RAB6D: variants seen among roughly 807,000 people sequenced by gnomAD.
The protein encoded by RAB6D is RAB6D, member RAS oncogene family, also known as ras-related protein Rab-6D.
Under a neutral mutation model 17.5 loss-of-function variants are expected in RAB6D, and 11 were observed. The observed-to-expected ratio is 0.63, with a 90% CI of 0.39 to 1.04. The LOEUF is 1.04. Among genes scored for constraint, RAB6D ranks in the 50% least tolerant of loss-of-function variants. RAB6D has a pLI of 0.00. For missense variants in RAB6D, 163 were observed against 315.1 expected, an observed-to-expected ratio of 0.52 and a Z score of 3.65; for synonymous variants, 68 against 122.6, an observed-to-expected ratio of 0.55 and a Z score of 2.94.
rs1703416497 is a variant in RAB6D at position 131,360,831 on chromosome 2, G to A, written c.*2125C>T. 6.6e-6 allele frequency among the ~76,000 whole-genome samples: 1 copy of A among 151,962 alleles called. No individual in the cohort carries two copies. Among genetic ancestry groups the A allele is most frequent in the South Asian group, 2.1e-4 (1 of 4,814 alleles). On this transcript the variant is annotated 3_prime_UTR_variant, in exon 1 of 1. Transcript: ENST00000623617. ...AAGGGAAGGTGGTAAAAAGGGAGAT[G>A]GTCTAATATTTTCAACATTTTTTAA...
rs1208300119 is a variant in RAB6D, at chr2:131,363,463, A to G, written c.258T>C (p.Ser86=). ...RSLIPRYIRD[S]AAAVVVYDIT... ...TATCGTAAACTACTACAGCTGCAGCAGAATCACGGATGTACCTGGGAATGA... is the reference window on the plus strand; with the variant it reads ...TATCGTAAACTACTACAGCTGCAGCGGAATCACGGATGTACCTGGGAATGA... The change falls in exon 1 of 1, where the codon TCT becomes TCC. Residue 86 remains serine, a synonymous_variant. Coordinates refer to ENST00000623617, the MANE Select transcript of RAB6D (RefSeq NM_001077637.3). 40 of 1,609,176 alleles carry G rather than the reference A, an allele frequency of 2.5e-5. No individual in the cohort carries two copies. The highest frequency in any genetic ancestry group is 3.3e-5 in the Non-Finnish European group (39 of 1,178,146).
In RAB6D at chr2:131,362,942, G is replaced by GGGGGAGCTGAGTTGGGGGGA. The variant is rs1703442634; in HGVS notation, c.*13_*14insTCCCCCCAACTCAGCTCCCC. 1 of 1,589,128 alleles carries GGGGGAGCTGAGTTGGGGGGA rather than the reference G, an allele frequency of 6.3e-7. No individual in the cohort carries two copies. The highest frequency in any genetic ancestry group is 2.2e-5 in the East Asian group (1 of 44,540). On this transcript the variant is annotated 3_prime_UTR_variant, in exon 1 of 1. Coordinates refer to ENST00000623617, the MANE Select transcript of RAB6D (RefSeq NM_001077637.3). ...GAAGACGCTGACTTTTTTTGTGCTT[G>GGGGGAGCTGAGTTGGGGGGA]TCAAGCTAATAGATCATCTCCACGA...
rs918609693 is a variant in RAB6D at position 131,362,500 on chromosome 2, G to C, written c.*456C>G. ...CTGCCTACCGTGATCGCTGAATTCTGACCTCAAAGAGGATCTAAGTAATTT... is the reference window on the plus strand; with the variant it reads ...CTGCCTACCGTGATCGCTGAATTCTCACCTCAAAGAGGATCTAAGTAATTT... On this transcript the variant is annotated 3_prime_UTR_variant, in exon 1 of 1. Coordinates refer to ENST00000623617, the MANE Select transcript of RAB6D (RefSeq NM_001077637.3). The C allele has an allele frequency of 7.9e-5, 15 of 189,562 alleles. No homozygotes were observed. Among genetic ancestry groups the C allele is most frequent in the Admixed American group, 2.2e-4 (4 of 18,348 alleles). The allele number at this position is 189,562 out of a possible 1,614,324, so 11.7% of individuals were successfully genotyped here. A position where few individuals can be genotyped will look rare whatever the true frequency, so the allele number is the denominator to read the frequency against.
rs1703434656 is a variant in RAB6D, at chr2:131,362,317, C to T, written c.*639G>A. ...AATACTAAAAACCTGTTCTGAAGCA[C>T]TTGGTTAATTTTCTCTCCCAGAGTC... On this transcript the variant is annotated 3_prime_UTR_variant, in exon 1 of 1. Transcript: ENST00000623617. The T allele has an allele frequency of 6.0e-6, 1 of 167,278 alleles. No individual in the cohort carries two copies. Among genetic ancestry groups the T allele is most frequent in the Non-Finnish European group, 1.5e-5 (1 of 68,266 alleles). 10.4% of individuals were successfully genotyped at this position (167,278 alleles called of 1,614,324 possible).
rs1573803391 is a variant in RAB6D at position 131,364,008 on chromosome 2, G to C, written c.-288C>G. On this transcript the variant is annotated 5_prime_UTR_variant, in exon 1 of 1. Coordinates refer to ENST00000623617, the MANE Select transcript of RAB6D (RefSeq NM_001077637.3). ...GGTGTGCTTTGGCTTCCCAAGGCTA[G>C]GGCCGTTCCCTTCTTCCTCACCCGG... is the stretch of plus-strand genomic sequence containing the variant. The C allele has an allele frequency of 5.8e-6, 3 of 518,920 alleles. No homozygotes were observed. The highest frequency in any genetic ancestry group is 7.0e-6 in the Non-Finnish European group (2 of 284,332). 32.1% of individuals were successfully genotyped at this position (518,920 alleles called of 1,614,324 possible). A position where few individuals can be genotyped will look rare whatever the true frequency, so the allele number is the denominator to read the frequency against.
In RAB6D at chr2:131,361,720, C is replaced by G. The variant is rs1703426861; in HGVS notation, c.*1236G>C. The G allele has an allele frequency of 6.0e-6, 1 of 166,348 alleles. No homozygotes were observed. Among genetic ancestry groups the G allele is most frequent in the South Asian group, 2.1e-4 (1 of 4,780 alleles). The allele number at this position is 166,348 out of a possible 1,614,324, so 10.3% of individuals were successfully genotyped here. On this transcript the variant is annotated 3_prime_UTR_variant, in exon 1 of 1. Transcript: ENST00000623617. ...TAAAAAAAAAGCAAAGAAATATCAC[C>G]AAAGAAAAAAGATTAATCGTAGCTT...
In RAB6D at chr2:131,363,236, T is replaced by C. The variant is rs1198976682; in HGVS notation, c.485A>G (p.Asn162Ser). ...FIETRAKAGY[N>S]VKQLFRRVAA... ...TACACGTCGAAAGAGCTGCTTTACA[T>C]TGTATCCAGCTTTTGCCCTAGTTTC... Residue 162 changes from asparagine (N) to serine (S), a missense_variant, in exon 1 of 1, where the codon AAT becomes AGT. Around this residue, in one of 2 missense-constraint regions of RAB6D, gnomAD observed 144 missense variants for 244.4 expected, o/e 0.59. Transcript: ENST00000623617. 2.5e-6 allele frequency: 4 copies of C among 1,613,692 alleles called. No homozygotes were observed. The highest frequency in any genetic ancestry group is 2.2e-5 in the East Asian group (1 of 44,834).
At position 131,363,392 on chromosome 2, in the gene RAB6D, T is replaced by C. The variant is rs376784434; in HGVS notation, c.329A>G (p.Asp110Gly). The C allele has an allele frequency of 1.5e-5, 25 of 1,613,948 alleles. No homozygotes were observed. In the East Asian group the frequency reaches 4.5e-4, roughly 29 times the overall value. ...SFQQTTKWIDDVRTEGGSDVI... is the reference protein window; with the variant it reads ...SFQQTTKWIDGVRTEGGSDVI... The stretch of plus-strand genomic sequence containing the variant: ...ATCACTTCCTCCTTCTGTTCTGACA[T>C]CATCAATCCACTTTGTAGTTTGCTG... The change falls in exon 1 of 1, where the codon GAT (aspartate) becomes GGT (glycine). Residue 110 changes from aspartate (D) to glycine (G), a missense_variant. Transcript: ENST00000623617.
At position 131,363,966 on chromosome 2, in the gene RAB6D, T is replaced by C; in HGVS notation, c.-246A>G. On this transcript the variant is annotated 5_prime_UTR_variant, in exon 1 of 1. Coordinates refer to ENST00000623617, the MANE Select transcript of RAB6D (RefSeq NM_001077637.3). Reference sequence around the variant, plus strand: ...GCGGCTGGGAAGGGAAGGAGGGCGGTGTCGGCAGGAGCCAGGGGTGTGCTT... The same window carrying C: ...GCGGCTGGGAAGGGAAGGAGGGCGGCGTCGGCAGGAGCCAGGGGTGTGCTT... 1.6e-6 allele frequency: 1 copy of C among 631,218 alleles called. No homozygotes were observed. The highest frequency in any genetic ancestry group is 2.8e-5 in the East Asian group (1 of 36,108). The allele number at this position is 631,218 out of a possible 1,614,324, so 39.1% of individuals were successfully genotyped here.
At position 131,364,001 on chromosome 2, in the gene RAB6D, A is replaced by C. The variant is rs1259197965; in HGVS notation, c.-281T>G. 5.2e-6 allele frequency: 3 copies of C among 572,708 alleles called. No homozygotes were observed. The highest frequency in any genetic ancestry group is 6.4e-6 in the Non-Finnish European group (2 of 312,124). 35.5% of individuals were successfully genotyped at this position (572,708 alleles called of 1,614,324 possible). A position where few individuals can be genotyped will look rare whatever the true frequency, so the allele number is the denominator to read the frequency against. On this transcript the variant is annotated 5_prime_UTR_variant, in exon 1 of 1. Coordinates refer to ENST00000623617, the MANE Select transcript of RAB6D (RefSeq NM_001077637.3). ...AGCCAGGGGTGTGCTTTGGCTTCCC[A>C]AGGCTAGGGCCGTTCCCTTCTTCCT... is the stretch of plus-strand genomic sequence containing the variant.
At position 131,362,011 on chromosome 2, in the gene RAB6D, G is replaced by C. The variant is rs879929122; in HGVS notation, c.*945C>G. The C allele has an allele frequency of 4.8e-5, 8 of 167,092 alleles. No individual in the cohort carries two copies. Among genetic ancestry groups the C allele is most frequent in the South Asian group, 2.1e-4 (1 of 4,816 alleles). The allele number at this position is 167,092 out of a possible 1,614,324, so 10.4% of individuals were successfully genotyped here. ...GCAAAGTTTTTGCTCTTCTGCTGAG[G>C]GTTCTTTTGTTGGTAAGCTTTAGAT... On this transcript the variant is annotated 3_prime_UTR_variant, in exon 1 of 1. Coordinates refer to ENST00000623617, the MANE Select transcript of RAB6D (RefSeq NM_001077637.3).
Position 131,361,390 on chromosome 2 carries a change from G to T in RAB6D, c.*1566C>A, listed in dbSNP as rs1703422262. On this transcript the variant is annotated 3_prime_UTR_variant, in exon 1 of 1. Coordinates refer to ENST00000623617, the MANE Select transcript of RAB6D (RefSeq NM_001077637.3). ...TAAGGTTCTCCCAGTTTAAGGTTTT[G>T]TTGCAATGAGGGGATGAGGAAGTAT... 1 of 167,062 alleles carries T rather than the reference G, an allele frequency of 6.0e-6. No individual in the cohort carries two copies. Among genetic ancestry groups the T allele is most frequent in the African/African-American group, 2.4e-5 (1 of 41,440 alleles). The allele number at this position is 167,062 out of a possible 1,614,324, so 10.3% of individuals were successfully genotyped here. A position where few individuals can be genotyped will look rare whatever the true frequency, so the allele number is the denominator to read the frequency against.
chr2:131,362,666 G>A lies in RAB6D; in HGVS notation c.*290C>T, dbSNP rs537987711. The A allele has an allele frequency of 1.6e-4, 33 of 204,348 alleles. No homozygotes were observed. In the South Asian group the frequency reaches 3.0e-3, roughly 19 times the overall value. The allele number at this position is 204,348 out of a possible 1,614,324, so 12.7% of individuals were successfully genotyped here. On this transcript the variant is annotated 3_prime_UTR_variant, in exon 1 of 1. Transcript: ENST00000623617. ...CTTGTTTGTTTTGAGGAAGTGGGGG[G>A]AGGCTAGGTAAGAACACGGAAATAG...
rs998826211 is a variant in RAB6D, at chr2:131,360,912, A to C, written c.*2044T>G. Reference sequence around the variant, plus strand: ...TGGCAGCAAAATTGTGTTTACTAAAAAAAAATCTGGACTATGAACACACTT... The same window carrying C: ...TGGCAGCAAAATTGTGTTTACTAAACAAAAATCTGGACTATGAACACACTT... On this transcript the variant is annotated 3_prime_UTR_variant, in exon 1 of 1. Coordinates refer to ENST00000623617, the MANE Select transcript of RAB6D (RefSeq NM_001077637.3). Among the ~76,000 whole-genome samples, 1 of 152,216 alleles carries C rather than the reference A, an allele frequency of 6.6e-6. No homozygotes were observed. Among genetic ancestry groups the C allele is most frequent in the African/African-American group, 2.4e-5 (1 of 41,468 alleles).
In RAB6D at chr2:131,362,813, A is replaced by G. The variant is rs1421947901; in HGVS notation, c.*143T>C. On this transcript the variant is annotated 3_prime_UTR_variant, in exon 1 of 1. Transcript: ENST00000623617. ...TTCCATCATTTTGAAGTACATTATC[A>G]TAACATTAAAAAAGAAAAAAAATGT... 6.6e-5 allele frequency: 76 copies of G among 1,146,082 alleles called. 1 individual carries two copies. In the Admixed American group the frequency reaches 2.2e-3, roughly 33 times the overall value. The allele number at this position is 1,146,082 out of a possible 1,614,324, so 71.0% of individuals were successfully genotyped here. A position where few individuals can be genotyped will look rare whatever the true frequency, so the allele number is the denominator to read the frequency against.
chr2:131,362,790 C>T lies in RAB6D; in HGVS notation c.*166G>A. 1.3e-6 allele frequency: 1 copy of T among 761,460 alleles called. No individual in the cohort carries two copies. Among genetic ancestry groups the T allele is most frequent in the Non-Finnish European group, 2.1e-6 (1 of 474,888 alleles). 47.2% of individuals were successfully genotyped at this position (761,460 alleles called of 1,614,324 possible). A position where few individuals can be genotyped will look rare whatever the true frequency, so the allele number is the denominator to read the frequency against. ...AGCCATACTCATACTGTTGAGATTT[C>T]CATCATTTTGAAGTACATTATCATA... On this transcript the variant is annotated 3_prime_UTR_variant, in exon 1 of 1. Coordinates refer to ENST00000623617, the MANE Select transcript of RAB6D (RefSeq NM_001077637.3).
rs748583025 is a variant in RAB6D at position 131,363,253 on chromosome 2, C to T, written c.468G>A (p.Arg156=). 1.2e-6 allele frequency: 2 copies of T among 1,613,716 alleles called. No individual in the cohort carries two copies. Among genetic ancestry groups the T allele is most frequent in the African/African-American group, 2.7e-5 (2 of 74,754 alleles). ...KGLNVTFIET[R]AKAGYNVKQL... ...GCTTTACATTGTATCCAGCTTTTGC[C>T]CTAGTTTCAATAAACGTAACATTCA... Residue 156 remains arginine (R), a synonymous_variant, in exon 1 of 1, where the codon AGG becomes AGA. Transcript: ENST00000623617.
chr2:131,363,453 C>T lies in RAB6D; in HGVS notation c.268G>A (p.Val90Ile). 15 of 1,610,154 alleles carry T rather than the reference C, an allele frequency of 9.3e-6. No homozygotes were observed. Among genetic ancestry groups the T allele is most frequent in the Non-Finnish European group, 1.2e-5 (14 of 1,178,510 alleles). Residue 90 changes from valine to isoleucine, a missense_variant, in exon 1 of 1, where the codon GTA (valine) becomes ATA (isoleucine). This residue lies in a region of RAB6D where 144 missense variants were observed against 244.4 expected (regional missense o/e 0.59). Coordinates refer to ENST00000623617, the MANE Select transcript of RAB6D (RefSeq NM_001077637.3). ...ACATTTGTGATATCGTAAACTACTA[C>T]AGCTGCAGCAGAATCACGGATGTAC... ...PRYIRDSAAAVVVYDITNVNS... is the reference protein window; with the variant it reads ...PRYIRDSAAAIVVYDITNVNS...
rs1703421604 is a variant in RAB6D, at chr2:131,361,337, T to G, written c.*1619A>C. ...TTACAAGGTGACAATAAGTGGGAAGTGGAGGAGGAAGAGGAAAGAGAGGGG... is the reference window on the plus strand; with the variant it reads ...TTACAAGGTGACAATAAGTGGGAAGGGGAGGAGGAAGAGGAAAGAGAGGGG... On this transcript the variant is annotated 3_prime_UTR_variant, in exon 1 of 1. Transcript: ENST00000623617. The G allele has an allele frequency of 6.0e-6, 1 of 167,020 alleles. No individual in the cohort carries two copies. The highest frequency in any genetic ancestry group is 2.1e-4 in the South Asian group (1 of 4,824). 10.3% of individuals were successfully genotyped at this position (167,020 alleles called of 1,614,324 possible).
Sources: gnomAD v4.1 joint callset for allele counts (sites outside exome capture counted in the v4.1 genomes callset) on GRCh38, gnomAD v4.1.1 for gene constraint, gnomAD v4.1.1 regional missense constraint, MANE v1.5 for transcripts, NCBI Gene and HGNC (gene_info 2026-07-23, HGNC 2026-07-21) for gene names.